Variants in TPM2 observed in about 807,000 individuals in gnomAD.
TPM2 encodes tropomyosin 2.
In TPM2, 26 loss-of-function variants were observed where a neutral mutation model predicts 41.0. The ratio of observed to expected loss-of-function variants is 0.63; its 90% CI spans 0.46 to 0.88. TPM2 has a LOEUF of 0.88. TPM2 is among the 40% of genes least tolerant of loss of function. The probability of loss-of-function intolerance (pLI) is 0.00; values close to 1 mark genes in which losing one functional copy is unlikely to be tolerated. For synonymous variants in TPM2, 143 were observed against 139.3 expected (o/e 1.03, Z -0.19); for missense variants, 187 against 355.2 (o/e 0.53, Z 3.81).
chr9:35,684,021 C>T (rs1056586936), intron 8 of TPM2: 1 of 571,870 alleles, frequency 1.7e-6, no homozygotes, highest in African/African-American at 1.9e-5. Flanking sequence ...TAAAACTCTC[C>T]CAGTGATTCT....
chr9:35,682,896 A>C (rs1824653940), downstream of TPM2: 10 of 1,484,756 alleles, frequency 6.7e-6, no homozygotes, highest in Non-Finnish European at 9.0e-6. Flanking sequence ...GTGGCGATAG[A>C]GGTGCTCTCT....
intron 2 of TPM2, among the ~76,000 whole-genome samples, chr9:35,687,298 A>C (rs538035385): frequency 7.9e-5 from 12 of 152,206 alleles, no homozygotes; most frequent in African/African-American, 2.6e-4. Context: ...TGATAAGCCA[A>C]GTTTGGGAAA....
chr9:35,689,756 C>A lies in TPM2; in HGVS notation c.62G>T (p.Arg21Leu). The change falls in exon 1 of 9, where the codon CGC becomes CTC. Residue 21 changes from arginine (R) to leucine (L), a missense_variant. Coordinates refer to ENST00000645482, the MANE Select transcript of TPM2 (RefSeq NM_003289.4). The stretch of plus-strand genomic sequence containing the variant: ...CTTGTCGGCTTCGGCCTGCTCGGCG[C>A]GGTCGATGGCGTTCTCCTTGTCCAG... The part of the protein sequence containing the change: ...LKLDKENAID[R>L]AEQAEADKKQ... 1 of 1,613,792 alleles carries A rather than the reference C, an allele frequency of 6.2e-7. No homozygotes were observed. The highest frequency in any genetic ancestry group is 1.1e-5 in the South Asian group (1 of 91,084).
downstream of TPM2, chr9:35,682,916 G>T (rs1339894516): frequency 2.0e-6 from 3 of 1,494,554 alleles, no homozygotes; most frequent in Non-Finnish European, 2.7e-6. Flanking sequence ...TGGAGGGCAG[G>T]AAAACAGCAT....
chr9:35,685,876 C>G lies in TPM2; in HGVS notation c.241-96G>C. Reference sequence around the variant, plus strand: ...ATGGCGAGATTCTTCTCAGAAAGAACTGAGGCTTCCTGGTTTCTAGACATT... The same window carrying G: ...ATGGCGAGATTCTTCTCAGAAAGAAGTGAGGCTTCCTGGTTTCTAGACATT... On this transcript the variant is annotated intron_variant, in intron 2 of 8. Transcript: ENST00000645482. The surrounding 1 kb of genome is among the most constrained non-coding windows in gnomAD (Gnocchi z 5.0). 7.6e-6 allele frequency: 12 copies of G among 1,584,434 alleles called. No homozygotes were observed. Among genetic ancestry groups the G allele is most frequent in the Non-Finnish European group, 1.0e-5 (12 of 1,156,766 alleles).
downstream of TPM2, chr9:35,682,889 G>A: frequency 6.8e-7 from 1 of 1,474,486 alleles, no homozygotes; most frequent in Non-Finnish European, 9.1e-7. Flanking sequence ...CTCCGTGGTG[G>A]CGATAGAGGT....
intron 1 of TPM2, 47 bp from the exon 2 acceptor site, chr9:35,689,318 C>T: frequency 6.2e-7 from 1 of 1,612,272 alleles, no homozygotes; most frequent in Non-Finnish European, 8.5e-7. Flanking sequence ...GGGGCCCAGG[C>T]CCAGAATGGA....
At chr9:35,689,307 G>C in intron 1 of TPM2, 36 bp from the exon 2 acceptor site, 1 of 1,613,254 alleles carries the variant, frequency 6.2e-7, no homozygotes, top group South Asian at 1.1e-5. Flanking sequence ...CAGGCTGGGA[G>C]GGGGCCCAGG....
intron 1 of TPM2, 130 bp from the exon 2 acceptor site, chr9:35,689,401 C>G (rs1825122591): frequency 2.0e-6 from 3 of 1,487,952 alleles, no homozygotes; most frequent in Non-Finnish European, 2.7e-6. Context: ...ATAAAAGGGA[C>G]AGTACAGTCA....
Position 35,685,324 on chromosome 9 carries a change from C to T in TPM2, c.508G>A (p.Val170Met). The T allele has an allele frequency of 6.2e-7, 1 of 1,614,202 alleles. No individual in the cohort carries two copies. Among genetic ancestry groups the T allele is most frequent in the Non-Finnish European group, 8.5e-7 (1 of 1,180,030 alleles). Reference protein sequence around the residue: ...RKYEEVARKLVILEGELERSE... With the variant: ...RKYEEVARKLMILEGELERSE... ...CGCTCCAGCTCTCCTTCCAGGATCA[C>T]CAGCTTCCTGGCCACCTGTGGGGAG... The change falls in exon 5 of 9, where the codon GTG becomes ATG. Residue 170 changes from valine to methionine, a missense_variant. Val to Met is a conservative substitution (Grantham distance 21). Transcript: ENST00000645482. This position sits in a 1 kb window ranked among gnomAD's most constrained non-coding sequence, Gnocchi z 5.0.
chr9:35,686,072 G>A (rs1402875579), intron 2 of TPM2, among the ~76,000 whole-genome samples: 2 of 152,140 alleles, frequency 1.3e-5, no homozygotes, highest in African/African-American at 4.8e-5. Context: ...CCAACATGGT[G>A]AAACTCTGTC....
At position 35,689,908 on chromosome 9, in the gene TPM2, G is replaced by A; in HGVS notation, c.-91C>T. On this transcript the variant is annotated 5_prime_UTR_variant, in exon 1 of 9. Transcript: ENST00000645482. ...GACTGGGTGCACCGGTGGCAGGCGA[G>A]GAGGACGGAGCGGGACTGGGACGTC... 6.2e-7 allele frequency: 1 copy of A among 1,603,762 alleles called. No individual in the cohort carries two copies. Among genetic ancestry groups the A allele is most frequent in the Non-Finnish European group, 8.5e-7 (1 of 1,177,304 alleles).
intron 1 of TPM2, 78 bp from the exon 2 acceptor site, chr9:35,689,349 G>A (rs1475653157): frequency 4.4e-6 from 7 of 1,588,054 alleles, no homozygotes; most frequent in Admixed American, 1.8e-5. Flanking sequence ...GTGTAGGGGC[G>A]CTACTAAGAT....
At chr9:35,682,705 C>T (rs192914007), downstream of TPM2, 103 of 1,313,612 alleles carry the variant, frequency 7.8e-5, no homozygotes, top group East Asian at 4.8e-3. Context: ...GCACCAGAGG[C>T]GGTCATGGTT....
In TPM2 at chr9:35,685,539, G is replaced by T; in HGVS notation, c.387C>A (p.Val129=). The T allele has an allele frequency of 6.2e-7, 1 of 1,614,188 alleles. No homozygotes were observed. The highest frequency in any genetic ancestry group is 8.5e-7 in the Non-Finnish European group (1 of 1,180,032). ...AADESERGMK[V]IENRAMKDEE... ...CATCCTTCATGGCCCGGTTTTCGAT[G>T]ACCTTCATTCCTCTGAAAGGCAGGG... Residue 129 remains valine (V), a synonymous_variant, in exon 4 of 9, where the codon GTC becomes GTA. Transcript: ENST00000645482. This position sits in a 1 kb window ranked among gnomAD's most constrained non-coding sequence, Gnocchi z 5.0.
chr9:35,685,665 G>A lies in TPM2; in HGVS notation c.356C>T (p.Ala119Val), dbSNP rs757873408. Residue 119 changes from alanine to valine, a missense_variant, in exon 3 of 9, where the codon GCG (alanine) becomes GTG (valine). By Grantham distance (64) the Ala-to-Val change is moderately conservative. Coordinates refer to ENST00000645482, the MANE Select transcript of TPM2 (RefSeq NM_003289.4). The surrounding 1 kb of genome is among the most constrained non-coding windows in gnomAD (Gnocchi z 5.0). ...TGACCACCTCTCGCTCTCATCAGCC[G>A]CCTTCTCGGCCTCCTCCAGCTTCTG... Reference protein sequence around the residue: ...ALQKLEEAEKAADESERGMKV... With the variant: ...ALQKLEEAEKVADESERGMKV... 10 of 1,614,090 alleles carry A rather than the reference G, an allele frequency of 6.2e-6. No individual in the cohort carries two copies. Among genetic ancestry groups the A allele is most frequent in the Admixed American group, 1.7e-5 (1 of 60,018 alleles).
chr9:35,685,173 C>T lies in TPM2; in HGVS notation c.563+96G>A, dbSNP rs373065952. 1.4e-4 allele frequency: 223 copies of T among 1,613,968 alleles called. No homozygotes were observed. Among genetic ancestry groups the T allele is most frequent in the Non-Finnish European group, 1.8e-4 (214 of 1,180,008 alleles). On this transcript the variant is annotated intron_variant, in intron 5 of 8. Transcript: ENST00000645482. This position sits in a 1 kb window ranked among gnomAD's most constrained non-coding sequence, Gnocchi z 5.0. ...AGCGGGCAGGGGTCAGAGAACAGGGCCTGTCCCTACAGCCCCAAGCCTAGG... is the reference window on the plus strand; with the variant it reads ...AGCGGGCAGGGGTCAGAGAACAGGGTCTGTCCCTACAGCCCCAAGCCTAGG...
At chr9:35,687,593 G>A (rs1233066649) in intron 2 of TPM2, among the ~76,000 whole-genome samples, 1 of 151,972 alleles carries the variant, frequency 6.6e-6, no homozygotes, top group Non-Finnish European at 1.5e-5. Context: ...GGTGCTGAAG[G>A]CACCTGGAGC....
rs1285644202 is a variant in TPM2, at chr9:35,682,964, G to A, written c.*195C>T. The A allele has an allele frequency of 6.6e-7, 1 of 1,518,436 alleles. No homozygotes were observed. 94.1% of individuals were successfully genotyped at this position (1,518,436 alleles called of 1,614,324 possible). ...CAGAATTTATTAAGCAGCAAAGGAG[G>A]GTGGAAGGGGATAGGTAAAGGATGA... is the stretch of plus-strand genomic sequence containing the variant. On this transcript the variant is annotated 3_prime_UTR_variant, in exon 9 of 9. Coordinates refer to ENST00000645482, the MANE Select transcript of TPM2 (RefSeq NM_003289.4).
Sources: allele counts gnomAD v4.1 joint callset (sites outside exome capture counted in the v4.1 genomes callset), GRCh38; gene constraint gnomAD v4.1.1; non-coding constraint Gnocchi (gnomAD v3.1); transcripts MANE v1.5; gene names NCBI Gene and HGNC (gene_info 2026-07-23, HGNC 2026-07-21).